The following ERO1B variants were observed in gnomAD, a reference collection of about 807,000 sequenced individuals.
ERO1B encodes the protein ERO1-like protein beta.
A neutral mutation model predicts 75.3 loss-of-function variants in ERO1B; 49 were observed. The ratio of observed to expected loss-of-function variants is 0.65; its 90% CI spans 0.52 to 0.83. ERO1B has a LOEUF of 0.83. Ranked by LOEUF, ERO1B falls within the 40% of genes least tolerant of loss-of-function variation. The pLI, the probability that ERO1B is intolerant of heterozygous loss-of-function variation, is 0.00. For missense variants in ERO1B, 512 were observed against 560.1 expected, an observed-to-expected ratio of 0.91 and a Z score of 0.87; for synonymous variants, 191 against 192.9, an observed-to-expected ratio of 0.99 and a Z score of 0.08.
At chr1:236,271,980 T>C (rs1665600270) in intron 1 of ERO1B, among the ~76,000 whole-genome samples, 1 of 152,144 alleles carries the variant, frequency 6.6e-6, no homozygotes, top group African/African-American at 2.4e-5. Flanking sequence ...AAAAGACTAC[T>C]GAGACAGAAA....
chr1:236,258,043 G>T (rs1572058965), intron 2 of ERO1B, among the ~76,000 whole-genome samples: 3 of 150,214 alleles, frequency 2.0e-5, no homozygotes, highest in Non-Finnish European at 3.0e-5. Flanking sequence ...CCAAGTCTGG[G>T]GAAGGAAACA....
intron 10 of ERO1B, among the ~76,000 whole-genome samples, chr1:236,228,889 T>G (rs1664335917): frequency 1.3e-5 from 2 of 152,232 alleles, no homozygotes; most frequent in South Asian, 4.1e-4. Flanking sequence ...GAATGGTTGA[T>G]ATAATATACA....
intron 2 of ERO1B, chr1:236,268,031 C>T (rs1665490606): frequency 6.6e-6 from 1 of 152,000 alleles, no homozygotes; most frequent in South Asian, 2.1e-4. Context: ...AACAGACACT[C>T]AATAGTCTAT....
intron 1 of ERO1B, among the ~76,000 whole-genome samples, chr1:236,280,318 C>T (rs1665805049): frequency 6.6e-6 from 1 of 152,170 alleles, no homozygotes; most frequent in Admixed American, 6.5e-5. Flanking sequence ...CAACTAGTGA[C>T]TAGAAAATAA....
At chr1:236,257,569 A>G (rs1293401967) in intron 2 of ERO1B, among the ~76,000 whole-genome samples, 1 of 151,796 alleles carries the variant, frequency 6.6e-6, no homozygotes, top group Non-Finnish European at 1.5e-5. Flanking sequence ...CCAAAAAAAA[A>G]AAAGAACAAG....
chr1:236,235,932 CTT>C (rs944750672), intron 7 of ERO1B, 97 bp from the exon 8 acceptor site: 28 of 925,746 alleles, frequency 3.0e-5, no homozygotes, highest in East Asian at 6.3e-5. Flanking sequence ...TCCCCACCCT[CTT>C]TTTTTTTTGA....
intron 2 of ERO1B, among the ~76,000 whole-genome samples, chr1:236,254,780 T>G (rs953539712): frequency 5.3e-5 from 8 of 151,862 alleles, no homozygotes; most frequent in Non-Finnish European, 7.4e-5. Context: ...GCCTGGCTAA[T>G]TTTTGTATTT....
chr1:236,221,979 G>C lies in ERO1B; in HGVS notation c.1154C>G (p.Ser385Cys). 1 of 1,613,676 alleles carries C rather than the reference G, an allele frequency of 6.2e-7. No homozygotes were observed. The highest frequency in any genetic ancestry group is 8.5e-7 in the Non-Finnish European group (1 of 1,179,676). Residue 385 changes from serine (S) to cysteine (C), a missense_variant, in exon 14 of 16, where the codon TCC becomes TGC. By Grantham distance (112) the Ser-to-Cys change is moderately radical. Transcript: ENST00000354619. ...ACATCCAACACAGTCCATTATACGG[G>C]AGATATTCTTGAAATGTAATCGGAA... ...EEFRLHFKNI[S>C]RIMDCVGCDK...
rs185170841 is a variant in ERO1B, at chr1:236,229,298, G to T, written c.712+926C>A. On this transcript the variant is annotated intron_variant, in intron 10 of 15. Transcript: ENST00000354619. ...AAATTAGCTGGGTGTGGTGGCGGGT[G>T]CCTGTAATCCCAGCTATTTGGGAGG... Among the ~76,000 whole-genome samples, 1,224 of 152,000 alleles carry T rather than the reference G, an allele frequency of 8.1e-3. 15 individuals carry two copies. The highest frequency in any genetic ancestry group is 0.028 in the African/African-American group (1,158 of 41,494).
chr1:236,259,547 G>C (rs1665242818), intron 2 of ERO1B, among the ~76,000 whole-genome samples: 4 of 152,086 alleles, frequency 2.6e-5, no homozygotes, highest in African/African-American at 9.7e-5. Context: ...GATAGAAAAA[G>C]ATGTTCTATG....
intron 1 of ERO1B, 108 bp downstream of exon 1, chr1:236,281,574 T>C (rs1665830040): frequency 3.4e-6 from 1 of 292,818 alleles, no homozygotes; most frequent in Non-Finnish European, 5.1e-6. Flanking sequence ...AATCACCTCT[T>C]TTCTGGCCCG....
intron 2 of ERO1B, among the ~76,000 whole-genome samples, chr1:236,266,898 C>G (rs1665455251): frequency 6.6e-6 from 1 of 152,160 alleles, no homozygotes; most frequent in African/African-American, 2.4e-5. Context: ...CTGTGTTGAT[C>G]AGAACATTTT....
Position 236,224,427 on chromosome 1 carries a change from G to A in ERO1B, c.1122+643C>T, listed in dbSNP as rs532224398. Among the ~76,000 whole-genome samples the A allele has an allele frequency of 4.0e-5, 6 of 150,318 alleles. No individual in the cohort carries two copies. The South Asian group carries it at 1.3e-3, about 32-fold the overall frequency. On this transcript the variant is annotated intron_variant, in intron 13 of 15. Coordinates refer to ENST00000354619, the MANE Select transcript of ERO1B (RefSeq NM_019891.4). ...GGCCAGGAGTTTGAGACCAGCCTGG[G>A]CAACATAGCGAGACCCCATCTCAAA...
At chr1:236,218,669 C>G (rs1028239547) in intron 15 of ERO1B, 93 bp from the exon 16 acceptor site, 11 of 1,091,016 alleles carry the variant, frequency 1.0e-5, no homozygotes, top group Non-Finnish European at 1.3e-5. Flanking sequence ...AATTTGAAAG[C>G]AAAACCTAAA....
At chr1:236,261,883 C>A (rs1665300602) in intron 2 of ERO1B, among the ~76,000 whole-genome samples, 1 of 152,136 alleles carries the variant, frequency 6.6e-6, no homozygotes, top group South Asian at 2.1e-4. Context: ...TTCAAGGCTA[C>A]AGTGAGCTAT....
rs763774189 is a variant in ERO1B at position 236,236,295 on chromosome 1, A to G, written c.609T>C (p.Tyr203=). The G allele has an allele frequency of 6.2e-7, 1 of 1,613,160 alleles. No individual in the cohort carries two copies. The highest frequency in any genetic ancestry group is 1.1e-5 in the South Asian group (1 of 91,040). ...TSAWRVWNSI[Y]EENCFKPRSV... ...CCAGTTACTTGAAACAGTTCTCTTC[A>G]TAGATGCTGTTCCACACTCTCCATG... The change falls in exon 7 of 16, where the codon TAT becomes TAC. Residue 203 remains tyrosine (Y), a synonymous_variant. Transcript: ENST00000354619.
chr1:236,226,703 A>G lies in ERO1B; in HGVS notation c.749T>C (p.Ile250Thr). Residue 250 changes from isoleucine to threonine, a missense_variant, in exon 11 of 16, where the codon ATA becomes ACA. Coordinates refer to ENST00000354619, the MANE Select transcript of ERO1B (RefSeq NM_019891.4). The part of the protein sequence containing the change: ...CLEKRVFYKL[I>T]SGLHASINLH... ...ATTGATGCTAGCATGAAGTCCCGAT[A>G]TAAGCTTATAGAAGACTCTTTTCTC... 1 of 1,612,806 alleles carries G rather than the reference A, an allele frequency of 6.2e-7. No homozygotes were observed. The highest frequency in any genetic ancestry group is 8.5e-7 in the Non-Finnish European group (1 of 1,179,692).
chr1:236,257,612 G>A (rs1749575), intron 2 of ERO1B, among the ~76,000 whole-genome samples: 1 of 148,772 alleles, frequency 6.7e-6, no homozygotes, highest in South Asian at 2.1e-4. Flanking sequence ...CCTACTGAAA[G>A]GAAGATATGT....
At chr1:236,269,474 G>A (rs1229413065) in intron 2 of ERO1B, among the ~76,000 whole-genome samples, 1 of 152,124 alleles carries the variant, frequency 6.6e-6, no homozygotes. Context: ...AGCCCTCTCA[G>A]AAAGAGGTCC....
Sources: allele counts gnomAD v4.1 joint callset (sites outside exome capture counted in the v4.1 genomes callset), GRCh38; gene constraint gnomAD v4.1.1; transcripts MANE v1.5; gene names NCBI Gene and HGNC (gene_info 2026-07-23, HGNC 2026-07-21).